ZNF618: variants seen among roughly 807,000 people sequenced by gnomAD.
The protein encoded by ZNF618 is neural precursor cell expressed, developmentally down-regulated 10.
Under a neutral mutation model 103.0 loss-of-function variants are expected in ZNF618, and 34 were observed. That is an observed-to-expected ratio of 0.33 (90% CI 0.25 to 0.44). The LOEUF is 0.44. ZNF618 is among the 20% of genes least tolerant of loss of function. ZNF618 has a pLI of 1.00. For missense variants in ZNF618, 1,059 were observed against 1,295.4 expected, an observed-to-expected ratio of 0.82 and a Z score of 2.80; for synonymous variants, 551 against 542.2, an observed-to-expected ratio of 1.02 and a Z score of -0.23.
intron 10 of ZNF618, among the ~76,000 whole-genome samples, chr9:114,021,644 T>C (rs1843074116): frequency 6.6e-6 from 1 of 152,122 alleles, no homozygotes; most frequent in Admixed American, 6.5e-5. Context: ...TTTTGACCTA[T>C]GCATGCACCC....
At chr9:113,880,904 A>G (rs1587911929) in intron 1 of ZNF618, among the ~76,000 whole-genome samples, 1 of 152,152 alleles carries the variant, frequency 6.6e-6, no homozygotes, top group Non-Finnish European at 1.5e-5. Flanking sequence ...TATTATCTCA[A>G]TTAACTTTTA....
intron 1 of ZNF618, among the ~76,000 whole-genome samples, chr9:113,951,440 T>TACACACATATATGTGTGTATATATATAC (rs760139132): frequency 6.8e-5 from 2 of 29,464 alleles, no homozygotes; most frequent in Non-Finnish European, 1.6e-4. Context: ...TGTATATATA[T>TACACACATATATGTGTGTATATATATAC]ACATATATGT....
Position 113,960,359 on chromosome 9 carries a change from C to T in ZNF618, c.34-8758C>T, listed in dbSNP as rs1017491004. 7.2e-5 allele frequency among the ~76,000 whole-genome samples: 11 copies of T among 152,334 alleles called. No individual in the cohort carries two copies. The East Asian group carries it at 1.5e-3, about 21-fold the overall frequency. On this transcript the variant is annotated intron_variant, in intron 1 of 14. Transcript: ENST00000374126. The stretch of plus-strand genomic sequence containing the variant: ...AGTCTGTCCATAAGCTTCCAGCTCC[C>T]TTAGCCTGACTTACAGGACTTACTC...
At chr9:113,901,786 C>T (rs1238831524) in intron 1 of ZNF618, among the ~76,000 whole-genome samples, 1 of 152,162 alleles carries the variant, frequency 6.6e-6, no homozygotes, top group Non-Finnish European at 1.5e-5. Context: ...CCTGCTGCCT[C>T]CTTGGTCCCT....
At chr9:113,959,693 C>T (rs150249522) in intron 1 of ZNF618, among the ~76,000 whole-genome samples, 9,741 of 152,264 alleles carry the variant, frequency 0.064, 417 homozygotes, top group African/African-American at 0.11. Flanking sequence ...CTGCAACCTC[C>T]GCCTCCCAAG....
At chr9:113,971,182 C>G (rs757460389) in intron 2 of ZNF618, among the ~76,000 whole-genome samples, 1 of 151,728 alleles carries the variant, frequency 6.6e-6, no homozygotes, top group Admixed American at 6.6e-5. Flanking sequence ...GTTGTCAGAC[C>G]GGTGCCTGGA....
At chr9:113,910,829 C>A (rs1269557019) in intron 1 of ZNF618, among the ~76,000 whole-genome samples, 2 of 149,114 alleles carry the variant, frequency 1.3e-5, no homozygotes, top group African/African-American at 4.9e-5. Context: ...TCTGCTTTTT[C>A]TTTTTTTCTT....
At chr9:113,966,600 A>G (rs1164086981) in intron 1 of ZNF618, among the ~76,000 whole-genome samples, 1 of 152,172 alleles carries the variant, frequency 6.6e-6, no homozygotes, top group East Asian at 1.9e-4. Flanking sequence ...GGTGTTCCCA[A>G]CACAGTGGAC....
rs192201476 is a variant in ZNF618, at chr9:113,932,018, G to A, written c.34-37099G>A. Among the ~76,000 whole-genome samples the A allele has an allele frequency of 3.4e-3, 523 of 152,302 alleles. 5 individuals are homozygous for A. Among genetic ancestry groups the A allele is most frequent in the Middle Eastern group, 0.034 (10 of 294 alleles). On this transcript the variant is annotated intron_variant, in intron 1 of 14. Transcript: ENST00000374126. ...GATCGTCTGCTGTGGGCTGGGGCCTGTTGTGGGCATTGGGAATATAGCAGT... is the reference window on the plus strand; with the variant it reads ...GATCGTCTGCTGTGGGCTGGGGCCTATTGTGGGCATTGGGAATATAGCAGT...
chr9:114,002,939 C>T (rs1841386962), intron 6 of ZNF618, among the ~76,000 whole-genome samples: 1 of 152,218 alleles, frequency 6.6e-6, no homozygotes, highest in Admixed American at 6.5e-5. Flanking sequence ...TTTGGGAGAC[C>T]TTGAGTTTCA....
At chr9:113,929,787 C>T (rs1390419143) in intron 1 of ZNF618, among the ~76,000 whole-genome samples, 4 of 152,122 alleles carry the variant, frequency 2.6e-5, no homozygotes, top group South Asian at 2.1e-4. Context: ...ACTTGTTACC[C>T]GAGATAAGGA....
At chr9:114,032,932 G>A (rs1201933275) in intron 12 of ZNF618, among the ~76,000 whole-genome samples, 1 of 152,108 alleles carries the variant, frequency 6.6e-6, no homozygotes, top group African/African-American at 2.4e-5. Flanking sequence ...TCTGAGCCTT[G>A]GGCATCAGTG....
At chr9:113,904,435 C>G (rs1166253292) in intron 1 of ZNF618, among the ~76,000 whole-genome samples, 1 of 152,094 alleles carries the variant, frequency 6.6e-6, no homozygotes, top group Non-Finnish European at 1.5e-5. Flanking sequence ...GCTTTCATGC[C>G]TAGCAATTTT....
At chr9:113,951,518 T>C (rs61429909) in intron 1 of ZNF618, among the ~76,000 whole-genome samples, 584 of 28,674 alleles carry the variant, frequency 0.02, 64 homozygotes, top group Admixed American at 0.041. Flanking sequence ...TATGTGTGTA[T>C]ATGTACACAT....
chr9:113,918,314 G>T (rs1258327383), intron 1 of ZNF618, among the ~76,000 whole-genome samples: 1 of 152,180 alleles, frequency 6.6e-6, no homozygotes, highest in Non-Finnish European at 1.5e-5. Context: ...GTGTCTGCCA[G>T]GTTCCTTCTC....
intron 13 of ZNF618, among the ~76,000 whole-genome samples, chr9:114,040,873 G>T (rs1291635060): frequency 5.3e-5 from 8 of 152,084 alleles, no homozygotes; most frequent in Non-Finnish European, 1.2e-4. Context: ...GTCAAATGGT[G>T]TTTCTAGTTC....
At chr9:113,956,983 C>T (rs1836367169) in intron 1 of ZNF618, among the ~76,000 whole-genome samples, 1 of 152,136 alleles carries the variant, frequency 6.6e-6, no homozygotes, top group Admixed American at 6.5e-5. Context: ...TTATTATCTG[C>T]ATTTGACAGA....
intron 1 of ZNF618, among the ~76,000 whole-genome samples, chr9:113,965,057 A>ATT (rs1837260807): frequency 6.6e-6 from 1 of 150,662 alleles, no homozygotes; most frequent in Non-Finnish European, 1.5e-5. Context: ...CACTCTCTAG[A>ATT]ATTTTTAATT....
intron 2 of ZNF618, among the ~76,000 whole-genome samples, chr9:113,972,612 G>A (rs528759109): frequency 6.6e-6 from 1 of 152,276 alleles, no homozygotes; most frequent in South Asian, 2.1e-4. Flanking sequence ...GGACTGTGCT[G>A]TAGGCTGGAG....
Sources: allele counts gnomAD v4.1 joint callset (sites outside exome capture counted in the v4.1 genomes callset), GRCh38; gene constraint gnomAD v4.1.1; transcripts MANE v1.5; gene names NCBI Gene and HGNC (gene_info 2026-07-23, HGNC 2026-07-21).